The following TMX2 variants were observed in gnomAD, a reference collection of about 807,000 sequenced individuals.
TMX2 encodes thioredoxin-related transmembrane protein 2.
Under a neutral mutation model 33.4 loss-of-function variants are expected in TMX2, and 20 were observed. The observed-to-expected ratio is 0.60, with a 90% CI of 0.42 to 0.87. The LOEUF (loss-of-function observed/expected upper bound fraction) is 0.87. TMX2 is among the 40% of genes least tolerant of loss of function. TMX2 has a pLI of 0.00. For synonymous variants in TMX2, 166 were observed against 140.7 expected, an observed-to-expected ratio of 1.18 and a Z score of -1.27; for missense variants, 340 against 370.7, an observed-to-expected ratio of 0.92 and a Z score of 0.68.
intron 1 of TMX2, among the ~76,000 whole-genome samples, chr11:57,724,242 C>G (rs1947827592): frequency 6.6e-6 from 1 of 152,046 alleles, no homozygotes; most frequent in Non-Finnish European, 1.5e-5. Flanking sequence ...CTTGAAAAAG[C>G]AATCAGCCTA....
chr11:57,738,821 C>T, intron 5 of TMX2, 51 bp downstream of exon 5: 2 of 1,569,964 alleles, frequency 1.3e-6, no homozygotes, highest in South Asian at 1.1e-5. Context: ...TGTGCCTTCC[C>T]TCTCACTGTT....
chr11:57,717,290 C>G (rs1455040317), intron 1 of TMX2, among the ~76,000 whole-genome samples: 2 of 152,156 alleles, frequency 1.3e-5, no homozygotes, highest in Non-Finnish European at 2.9e-5. Flanking sequence ...TCCTCACTTC[C>G]CAGACAGGGT....
intron 1 of TMX2, among the ~76,000 whole-genome samples, chr11:57,723,626 C>T (rs749089685): frequency 6.6e-6 from 1 of 151,054 alleles, no homozygotes; most frequent in Non-Finnish European, 1.5e-5. Flanking sequence ...CATGGTGAAA[C>T]CCTGTCCTAC....
At chr11:57,733,208 G>A (rs1437789342) in intron 1 of TMX2, among the ~76,000 whole-genome samples, 1 of 103,718 alleles carries the variant, frequency 9.6e-6, no homozygotes, top group Non-Finnish European at 2.0e-5. Flanking sequence ...CTGTGGTTGT[G>A]TTTTTTTTTT....
At chr11:57,724,102 G>T (rs908187776) in intron 1 of TMX2, among the ~76,000 whole-genome samples, 1 of 151,832 alleles carries the variant, frequency 6.6e-6, no homozygotes, top group Non-Finnish European at 1.5e-5. Context: ...GAAAATAACT[G>T]CTTTAAGGAC....
chr11:57,737,822 C>T (rs1278913883), intron 2 of TMX2, 91 bp from the exon 3 acceptor site: 1 of 1,612,568 alleles, frequency 6.2e-7, no homozygotes, highest in Non-Finnish European at 8.5e-7. Flanking sequence ...CCCTCCCTGT[C>T]TCCTATTTCA....
At chr11:57,727,234 T>G (rs1948065049) in intron 1 of TMX2, among the ~76,000 whole-genome samples, 2 of 152,088 alleles carry the variant, frequency 1.3e-5, no homozygotes, top group Non-Finnish European at 2.9e-5. Flanking sequence ...TCAGACCATG[T>G]CCTCCCCCCA....
At chr11:57,729,487 A>G (rs1268508362) in intron 1 of TMX2, among the ~76,000 whole-genome samples, 6 of 152,146 alleles carry the variant, frequency 3.9e-5, no homozygotes, top group Non-Finnish European at 8.8e-5. Context: ...AGGCCTTTAT[A>G]ATAGACTTAT....
At chr11:57,720,353 C>T (rs986802489) in intron 1 of TMX2, among the ~76,000 whole-genome samples, 11 of 152,122 alleles carry the variant, frequency 7.2e-5, no homozygotes, top group African/African-American at 2.2e-4. Flanking sequence ...GTACCAATAA[C>T]GAATGAGTAC....
chr11:57,733,438 A>G (rs1948529539), intron 1 of TMX2, among the ~76,000 whole-genome samples: 1 of 151,740 alleles, frequency 6.6e-6, no homozygotes, highest in Non-Finnish European at 1.5e-5. Flanking sequence ...GTGTGTTTTT[A>G]GTAGAGACGG....
chr11:57,718,204 G>A, intron 1 of TMX2: 8 of 1,371,448 alleles, frequency 5.8e-6, no homozygotes, highest in Non-Finnish European at 8.3e-6. Context: ...ATGAAAAGCT[G>A]GGAACCTTTT....
intron 1 of TMX2, among the ~76,000 whole-genome samples, chr11:57,730,655 T>A (rs1194433030): frequency 6.6e-6 from 1 of 151,872 alleles, no homozygotes; most frequent in Admixed American, 6.6e-5. Flanking sequence ...GGAGAATCGC[T>A]TGAACCCAGG....
At chr11:57,723,675 T>A (rs192177064) in intron 1 of TMX2, among the ~76,000 whole-genome samples, 27 of 143,702 alleles carry the variant, frequency 1.9e-4, no homozygotes, top group African/African-American at 6.7e-4. Flanking sequence ...TGGTGGCGAG[T>A]GCCTGTAATC....
At chr11:57,733,247 A>ATTTTTTTTTTTTTTTTTTTTTTTTTT (rs71061537) in intron 1 of TMX2, among the ~76,000 whole-genome samples, 2 of 74,866 alleles carry the variant, frequency 2.7e-5, no homozygotes, top group African/African-American at 6.0e-5. Context: ...ACAGTGAGGA[A>ATTTTTTTTTTTTTTTTTTTTTTTTTT]TTTTTTTTTT....
At chr11:57,720,990 G>A (rs928706945) in intron 1 of TMX2, among the ~76,000 whole-genome samples, 4 of 148,444 alleles carry the variant, frequency 2.7e-5, no homozygotes, top group Non-Finnish European at 5.9e-5. Context: ...CTTTTTATGG[G>A]TACTAGAAAG....
At chr11:57,726,780 C>T (rs1394159144) in intron 1 of TMX2, among the ~76,000 whole-genome samples, 1 of 152,218 alleles carries the variant, frequency 6.6e-6, no homozygotes, top group African/African-American at 2.4e-5. Flanking sequence ...TTTATATCCT[C>T]CCTCAGGATG....
chr11:57,717,507 C>T (rs1191635215), intron 1 of TMX2, among the ~76,000 whole-genome samples: 1 of 152,016 alleles, frequency 6.6e-6, no homozygotes, highest in Non-Finnish European at 1.5e-5. Context: ...TGGAGACCAG[C>T]CCGGCCAACA....
intron 2 of TMX2, 117 bp from the exon 3 acceptor site, chr11:57,737,796 A>T: frequency 3.8e-6 from 6 of 1,596,554 alleles, no homozygotes; most frequent in Non-Finnish European, 5.1e-6. Flanking sequence ...GCTGAATTTG[A>T]ACTTGGACTT....
In TMX2 at chr11:57,740,543, A is replaced by C; in HGVS notation, c.*298A>C. On this transcript the variant is annotated 3_prime_UTR_variant, in exon 8 of 8. Coordinates refer to ENST00000278422, the MANE Select transcript of TMX2 (RefSeq NM_015959.4). ...TTAACTGCTTATCAGCTATTCAGAC[A>C]TCTCCATGGTTTCTCCATGAAACTC... 3.8e-6 allele frequency: 1 copy of C among 262,850 alleles called. No individual in the cohort carries two copies. The highest frequency in any genetic ancestry group is 7.3e-6 in the Non-Finnish European group (1 of 137,220). The allele number at this position is 262,850 out of a possible 1,614,324, so 16.3% of individuals were successfully genotyped here.
Sources: allele counts gnomAD v4.1 joint callset (sites outside exome capture counted in the v4.1 genomes callset), GRCh38; gene constraint gnomAD v4.1.1; transcripts MANE v1.5; gene names NCBI Gene and HGNC (gene_info 2026-07-23, HGNC 2026-07-21).